Variants in KCTD16 observed in about 807,000 individuals in gnomAD.
The protein encoded by KCTD16 is potassium channel tetramerization domain containing 16.
In KCTD16, 13 loss-of-function variants were observed where a neutral mutation model predicts 33.2. The ratio of observed to expected loss-of-function variants is 0.39; its 90% CI spans 0.25 to 0.62. KCTD16 has a LOEUF of 0.62. Among genes scored for constraint, KCTD16 ranks in the 20% least tolerant of loss-of-function variants. The pLI, the probability that KCTD16 is intolerant of heterozygous loss-of-function variation, is 0.50. For missense variants in KCTD16, 441 were observed against 525.1 expected (o/e 0.84, Z 1.57); for synonymous variants, 197 against 195.3 (o/e 1.01, Z -0.07).
chr5:144,240,666 CCTT>C lies in KCTD16; in HGVS notation c.832+33121_832+33123del, dbSNP rs1754378775. On this transcript the variant is annotated intron_variant, in intron 3 of 3. Coordinates refer to ENST00000512467, the MANE Select transcript of KCTD16 (RefSeq NM_020768.4). ...CACATTGCATTTAATCCTCACGTCT[CCTT>C]AGTCTCTCCTCCCATCTGTGAAAGT... Among the ~76,000 whole-genome samples, 2 of 152,108 alleles carry C rather than the reference CCTT, an allele frequency of 1.3e-5. 1 individual carries two copies.
At chr5:144,373,787 A>T (rs1049241940) in intron 3 of KCTD16, among the ~76,000 whole-genome samples, 1 of 152,250 alleles carries the variant, frequency 6.6e-6, no homozygotes, top group Admixed American at 6.5e-5. Context: ...TGTTTGATTG[A>T]TATTTAATAA....
chr5:144,476,049 A>T lies in KCTD16; in HGVS notation c.*1935A>T, dbSNP rs1246420393. 4 of 152,214 alleles carry T rather than the reference A, an allele frequency of 2.6e-5. No individual in the cohort carries two copies. In the East Asian group the frequency reaches 5.8e-4, roughly 22 times the overall value. The allele number at this position is 152,214 out of a possible 1,614,324, so 9.4% of individuals were successfully genotyped here. On this transcript the variant is annotated 3_prime_UTR_variant, in exon 4 of 4. Transcript: ENST00000512467. ...ATATATTAGCAGATATTTGGTCTTA[A>T]CTACAACATAGCTTTGTTTGTAAAC...
chr5:144,372,350 T>G (rs1265305745), intron 3 of KCTD16, among the ~76,000 whole-genome samples: 2 of 152,190 alleles, frequency 1.3e-5, no homozygotes, highest in South Asian at 4.1e-4. Context: ...ATTTATTTGT[T>G]AATTCATTTA....
intron 3 of KCTD16, among the ~76,000 whole-genome samples, chr5:144,374,926 C>G (rs906992451): frequency 6.6e-6 from 1 of 152,212 alleles, no homozygotes; most frequent in Non-Finnish European, 1.5e-5. Flanking sequence ...CTTCTCCTTC[C>G]CAGGGATTTT....
At chr5:144,434,117 TG>T (rs1436752274) in intron 3 of KCTD16, among the ~76,000 whole-genome samples, 1 of 152,196 alleles carries the variant, frequency 6.6e-6, no homozygotes, top group Non-Finnish European at 1.5e-5. Context: ...TGAGCCAGTC[TG>T]AGCTGGGAGA....
rs915926344 is a variant in KCTD16 at position 144,478,049 on chromosome 5, G to A, written c.*3935G>A. 6.6e-6 allele frequency: 1 copy of A among 152,000 alleles called. No individual in the cohort carries two copies. The highest frequency in any genetic ancestry group is 6.6e-5 in the Admixed American group (1 of 15,254). 9.4% of individuals were successfully genotyped at this position (152,000 alleles called of 1,614,324 possible). A position where few individuals can be genotyped will look rare whatever the true frequency, so the allele number is the denominator to read the frequency against. On this transcript the variant is annotated 3_prime_UTR_variant, in exon 4 of 4. Transcript: ENST00000512467. Reference sequence around the variant, plus strand: ...GCATGCTGGTTTATAGGTTTAGCATGGGCCATTTCTCTCTTTAATGTCTTG... The same window carrying A: ...GCATGCTGGTTTATAGGTTTAGCATAGGCCATTTCTCTCTTTAATGTCTTG...
chr5:144,468,343 C>T (rs1031714404), intron 3 of KCTD16, among the ~76,000 whole-genome samples: 2 of 152,164 alleles, frequency 1.3e-5, no homozygotes, highest in African/African-American at 4.8e-5. Context: ...AAATTCTTCC[C>T]GTTCAGGTAA....
chr5:144,387,768 G>A (rs1445848984), intron 3 of KCTD16, among the ~76,000 whole-genome samples: 1 of 152,142 alleles, frequency 6.6e-6, no homozygotes, highest in African/African-American at 2.4e-5. Context: ...GGCCCAATAG[G>A]AGCTTTGCTG....
chr5:144,420,559 G>A (rs865807106), intron 3 of KCTD16, among the ~76,000 whole-genome samples: 2 of 152,136 alleles, frequency 1.3e-5, no homozygotes, highest in Middle Eastern at 3.4e-3. Context: ...TTACTCTTCA[G>A]AGGCCATGGT....
At chr5:144,425,711 G>C (rs1254433743) in intron 3 of KCTD16, among the ~76,000 whole-genome samples, 1 of 151,972 alleles carries the variant, frequency 6.6e-6, no homozygotes, top group Non-Finnish European at 1.5e-5. Flanking sequence ...CATGACTGAG[G>C]CAAAAGAAGC....
intron 3 of KCTD16, among the ~76,000 whole-genome samples, chr5:144,437,218 G>A (rs1468321248): frequency 6.6e-6 from 1 of 152,112 alleles, no homozygotes; most frequent in Non-Finnish European, 1.5e-5. Flanking sequence ...CCTCAGGTGT[G>A]AATTTCTGGG....
At chr5:144,285,610 C>G (rs1378663294) in intron 3 of KCTD16, among the ~76,000 whole-genome samples, 2 of 152,154 alleles carry the variant, frequency 1.3e-5, no homozygotes, top group Non-Finnish European at 2.9e-5. Context: ...GGGTCTTTCA[C>G]TGGGGTCTAT....
chr5:144,342,794 G>C (rs1752681654), intron 3 of KCTD16, among the ~76,000 whole-genome samples: 1 of 152,202 alleles, frequency 6.6e-6, no homozygotes, highest in Non-Finnish European at 1.5e-5. Context: ...ATGAAGGGCT[G>C]TTGAATTTTG....
intron 3 of KCTD16, among the ~76,000 whole-genome samples, chr5:144,231,243 A>G (rs1446932629): frequency 1.3e-5 from 2 of 151,964 alleles, no homozygotes; most frequent in East Asian, 1.9e-4. Flanking sequence ...CATTTTCATC[A>G]GTTTCTTCCT....
chr5:144,350,902 A>T (rs892167043), intron 3 of KCTD16, among the ~76,000 whole-genome samples: 2 of 151,344 alleles, frequency 1.3e-5, no homozygotes, highest in Non-Finnish European at 2.9e-5. Context: ...GAGAATTGTC[A>T]TGCAGCTTGT....
intron 3 of KCTD16, among the ~76,000 whole-genome samples, chr5:144,239,950 A>G (rs1754355451): frequency 6.6e-6 from 1 of 152,148 alleles, no homozygotes; most frequent in East Asian, 1.9e-4. Flanking sequence ...TTCTGGGATA[A>G]TAGTAATTGC....
rs144487982 is a variant in KCTD16 at position 144,181,955 on chromosome 5, G to A, written c.-327+7483G>A. Among the ~76,000 whole-genome samples, 568 of 152,126 alleles carry A rather than the reference G, an allele frequency of 3.7e-3. 3 individuals carry two copies. The highest frequency in any genetic ancestry group is 0.013 in the African/African-American group (548 of 41,508). On this transcript the variant is annotated intron_variant, in intron 2 of 3. Transcript: ENST00000512467. ...CTAAAAATACAGAAATTAGCCAGCC[G>A]TGGTGGCACGTGCCTGTAATTCCAG...
intron 3 of KCTD16, among the ~76,000 whole-genome samples, chr5:144,347,225 T>G (rs1752826337): frequency 6.6e-6 from 1 of 152,162 alleles, no homozygotes; most frequent in Non-Finnish European, 1.5e-5. Flanking sequence ...ACATTTAAAT[T>G]TAAATAGCCA....
chr5:144,236,845 G>A (rs751947712), intron 3 of KCTD16, among the ~76,000 whole-genome samples: 5 of 152,106 alleles, frequency 3.3e-5, no homozygotes, highest in African/African-American at 7.2e-5. Context: ...CCTTAGTTTC[G>A]TTATTTGTAA....
Sources: gnomAD v4.1 joint callset for allele counts (sites outside exome capture counted in the v4.1 genomes callset) on GRCh38, gnomAD v4.1.1 for gene constraint, MANE v1.5 for transcripts, NCBI Gene and HGNC (gene_info 2026-07-23, HGNC 2026-07-21) for gene names.